The following LMX1B variants were observed in gnomAD, a reference collection of about 807,000 sequenced individuals.
The protein encoded by LMX1B is LIM homeobox transcription factor 1 beta, also known as LIM homeobox transcription factor 1-beta.
A neutral mutation model predicts 51.4 loss-of-function variants in LMX1B; 12 were observed. That is an observed-to-expected ratio of 0.23 (90% CI 0.15 to 0.38). The LOEUF (loss-of-function observed/expected upper bound fraction) is 0.38. LMX1B is among the 10% of genes least tolerant of loss of function. The probability of loss-of-function intolerance (pLI) is 1.00; values close to 1 mark genes in which losing one functional copy is unlikely to be tolerated. For missense variants in LMX1B, 445 were observed against 571.1 expected (o/e 0.78, Z 2.25); for synonymous variants, 237 against 235.4 (o/e 1.01, Z -0.06).
chr9:126,686,278 T>TAAAAAA (rs1588302475), intron 2 of LMX1B, among the ~76,000 whole-genome samples: 1 of 51,406 alleles, frequency 1.9e-5, no homozygotes, highest in African/African-American at 6.6e-5. Context: ...AGACTCCATC[T>TAAAAAA]CAAAAAAAAA....
intron 2 of LMX1B, among the ~76,000 whole-genome samples, chr9:126,644,128 G>A (rs1311371045): frequency 1.3e-5 from 2 of 152,184 alleles, no homozygotes; most frequent in Non-Finnish European, 2.9e-5. Flanking sequence ...CAGGTAACGG[G>A]GCTGGTGGGC....
intron 2 of LMX1B, among the ~76,000 whole-genome samples, chr9:126,688,065 C>T (rs567229281): frequency 1.1e-4 from 17 of 152,224 alleles, no homozygotes; most frequent in African/African-American, 3.9e-4. Context: ...AAACGGATGG[C>T]GCATTCTGTT....
chr9:126,643,422 C>T (rs1835842742), intron 2 of LMX1B, among the ~76,000 whole-genome samples: 1 of 152,148 alleles, frequency 6.6e-6, no homozygotes, highest in African/African-American at 2.4e-5. Context: ...AGTCACTGCC[C>T]ACTGTGAGTC....
In LMX1B at chr9:126,615,286, A is replaced by C; in HGVS notation, c.140-97A>C. ...GCAGGCGGTGATCCCGGGCGGCCCGAGCCCTCGGGGCCGAGGGCTGTGGGC... is the reference window on the plus strand; with the variant it reads ...GCAGGCGGTGATCCCGGGCGGCCCGCGCCCTCGGGGCCGAGGGCTGTGGGC... On this transcript the variant is annotated intron_variant, in intron 1 of 7. Transcript: ENST00000373474. This position sits in a 1 kb window ranked among gnomAD's most constrained non-coding sequence, Gnocchi z 6.0. 1.1e-6 allele frequency: 1 copy of C among 909,638 alleles called. No individual in the cohort carries two copies. The highest frequency in any genetic ancestry group is 1.4e-6 in the Non-Finnish European group (1 of 702,266). 56.3% of individuals were successfully genotyped at this position (909,638 alleles called of 1,614,324 possible).
At chr9:126,634,459 G>C (rs1178607153) in intron 2 of LMX1B, among the ~76,000 whole-genome samples, 3 of 152,172 alleles carry the variant, frequency 2.0e-5, no homozygotes, top group Non-Finnish European at 2.9e-5. Context: ...GCCCTCGGCT[G>C]CCACCATGGT....
chr9:126,622,168 C>T (rs73669125), intron 2 of LMX1B, among the ~76,000 whole-genome samples: 2,276 of 152,202 alleles, frequency 0.015, 65 homozygotes, highest in African/African-American at 0.052. Flanking sequence ...GAGCTTGGCT[C>T]GGACCAGCCC....
Position 126,614,075 on chromosome 9 carries a change from T to A in LMX1B, c.-375T>A, listed in dbSNP as rs1484748539. ...CCCCCGCGGCCCGCGGGGCCGCCCC[T>A]GCACCCCCACCCCCTCCCCCGCCTG... On this transcript the variant is annotated 5_prime_UTR_variant, in exon 1 of 8. Transcript: ENST00000373474. Among the ~76,000 whole-genome samples, 1 of 20,682 alleles carries A rather than the reference T, an allele frequency of 4.8e-5. No homozygotes were observed. The allele number at this position is 20,682 out of a possible 152,430, so 13.6% of individuals were successfully genotyped here.
chr9:126,630,406 C>G (rs1196485794), intron 2 of LMX1B, among the ~76,000 whole-genome samples: 1 of 152,132 alleles, frequency 6.6e-6, no homozygotes, highest in Non-Finnish European at 1.5e-5. Context: ...GAACAACTCT[C>G]CTGGCAGTAG....
In LMX1B at chr9:126,679,443, G is replaced by A. The variant is rs577198054; in HGVS notation, c.327-11393G>A. On this transcript the variant is annotated intron_variant, in intron 2 of 7. Transcript: ENST00000373474. ...ATGGGTGGTGGATGGATGGGTAAGT[G>A]GAAGGATAGATGCATGCATGCGTGG... Among the ~76,000 whole-genome samples the A allele has an allele frequency of 9.2e-5, 14 of 151,962 alleles. No individual in the cohort carries two copies. The South Asian group carries it at 2.7e-3, about 29-fold the overall frequency.
intron 2 of LMX1B, among the ~76,000 whole-genome samples, chr9:126,686,204 C>G (rs1018806426): frequency 2.4e-4 from 36 of 148,074 alleles, no homozygotes; most frequent in African/African-American, 9.0e-4. Flanking sequence ...AGCGTGAACC[C>G]AGGAGGCGGA....
chr9:126,692,098 T>C (rs1012301295), intron 3 of LMX1B, among the ~76,000 whole-genome samples: 13 of 152,218 alleles, frequency 8.5e-5, no homozygotes, highest in African/African-American at 3.1e-4. Flanking sequence ...GGCAACAGGA[T>C]CTGCCACATG....
chr9:126,660,629 G>A (rs1307874247), intron 2 of LMX1B, among the ~76,000 whole-genome samples: 1 of 152,174 alleles, frequency 6.6e-6, no homozygotes, highest in East Asian at 1.9e-4. Context: ...ATTGTGAAAG[G>A]CTTGTATCAA....
In LMX1B at chr9:126,682,081, G is replaced by GCC. The variant is rs755608375; in HGVS notation, c.327-8755_327-8754insCC. ...TACTTGCAGATACTTGGTCCCCAGGGTCTTTTTTTTTTTTTTTTTTTTTTT... is the reference window on the plus strand; with the variant it reads ...TACTTGCAGATACTTGGTCCCCAGGGCCTCTTTTTTTTTTTTTTTTTTTTTTT... On this transcript the variant is annotated intron_variant, in intron 2 of 7. Coordinates refer to ENST00000373474, the MANE Select transcript of LMX1B (RefSeq NM_001174147.2). Among the ~76,000 whole-genome samples, 112 of 81,276 alleles carry GCC rather than the reference G, an allele frequency of 1.4e-3. 3 individuals carry two copies. Among genetic ancestry groups the GCC allele is most frequent in the East Asian group, 3.8e-3 (10 of 2,634 alleles). 53.3% of individuals were successfully genotyped at this position (81,276 alleles called of 152,430 possible).
At chr9:126,643,820 T>C (rs12351263) in intron 2 of LMX1B, among the ~76,000 whole-genome samples, 27,483 of 152,124 alleles carry the variant, frequency 0.18, 3,312 homozygotes, top group East Asian at 0.43. Flanking sequence ...CAATACTGTA[T>C]AACCTTTATG....
At position 126,626,377 on chromosome 9, in the gene LMX1B, G is replaced by A. The variant is rs939686107; in HGVS notation, c.326+10808G>A. 1.3e-5 allele frequency among the ~76,000 whole-genome samples: 2 copies of A among 152,348 alleles called. No homozygotes were observed. The highest frequency in any genetic ancestry group is 4.1e-4 in the South Asian group (2 of 4,830). On this transcript the variant is annotated intron_variant, in intron 2 of 7. Coordinates refer to ENST00000373474, the MANE Select transcript of LMX1B (RefSeq NM_001174147.2). This position sits in a 1 kb window ranked among gnomAD's most constrained non-coding sequence, Gnocchi z 4.3. ...ATGCTTCCATCTCTGACAGCATAGG[G>A]ACCGGGAGCTCCGATGGAGGAAACC...
intron 2 of LMX1B, among the ~76,000 whole-genome samples, chr9:126,678,845 T>C (rs895762880): frequency 1.3e-5 from 2 of 152,212 alleles, no homozygotes; most frequent in Non-Finnish European, 2.9e-5. Flanking sequence ...ATTATTTGAC[T>C]CTACTAGAAA....
At chr9:126,639,051 G>A (rs776545878) in intron 2 of LMX1B, among the ~76,000 whole-genome samples, 10 of 151,670 alleles carry the variant, frequency 6.6e-5, no homozygotes, top group Non-Finnish European at 1.0e-4. Context: ...AAAGGGGAGG[G>A]GAAAGGAGAG....
intron 2 of LMX1B, among the ~76,000 whole-genome samples, chr9:126,650,248 G>A (rs1394505575): frequency 4.6e-5 from 7 of 152,164 alleles, no homozygotes; most frequent in African/African-American, 9.7e-5. Context: ...GTTCTGGCAC[G>A]TCAAGTGAGG....
intron 2 of LMX1B, among the ~76,000 whole-genome samples, chr9:126,660,142 G>GGCA (rs1588286538): frequency 1.3e-5 from 1 of 75,236 alleles, no homozygotes; most frequent in Admixed American, 1.1e-4. Flanking sequence ...GTGTGGGGAT[G>GGCA]TCTACACTGG....
Sources: gnomAD v4.1 joint callset for allele counts (sites outside exome capture counted in the v4.1 genomes callset) on GRCh38, gnomAD v4.1.1 for gene constraint, Gnocchi (gnomAD v3.1) non-coding constraint, MANE v1.5 for transcripts, NCBI Gene and HGNC (gene_info 2026-07-23, HGNC 2026-07-21) for gene names.